The following CCDC91 variants were observed in gnomAD, a reference collection of about 807,000 sequenced individuals.
CCDC91 encodes the protein coiled-coil domain containing 91, also known as coiled-coil domain-containing protein 91.
A neutral mutation model predicts 63.2 loss-of-function variants in CCDC91; 48 were observed. That is an observed-to-expected ratio of 0.76 (90% confidence interval 0.60 to 0.97). CCDC91 has a LOEUF of 0.97. CCDC91 is among the 50% of genes least tolerant of loss of function. The pLI is 0.00. For missense variants in CCDC91, 500 were observed against 494.6 expected, an observed-to-expected ratio of 1.01 and a Z score of -0.10; for synonymous variants, 167 against 165.8, an observed-to-expected ratio of 1.01 and a Z score of -0.06.
In CCDC91 at chr12:28,391,583, C is replaced by T. The variant is rs140637608; in HGVS notation, c.762+172C>T. 3.5e-3 allele frequency among the ~76,000 whole-genome samples: 537 copies of T among 152,150 alleles called. 7 individuals are homozygous for T. The highest frequency in any genetic ancestry group is 0.012 in the African/African-American group (505 of 41,514). Reference sequence around the variant, plus strand: ...ATTTTATGACAGACTCAAAATAGAACGTAAGACCTGAAATATGTGGGTCTC... The same window carrying T: ...ATTTTATGACAGACTCAAAATAGAATGTAAGACCTGAAATATGTGGGTCTC... On this transcript the variant is annotated intron_variant, in intron 8 of 12. Coordinates refer to ENST00000536442, the MANE Select transcript of CCDC91 (RefSeq NM_018318.5).
chr12:28,406,011 G>T (rs1265699545), intron 8 of CCDC91, among the ~76,000 whole-genome samples: 1 of 152,056 alleles, frequency 6.6e-6, no homozygotes, highest in African/African-American at 2.4e-5. Flanking sequence ...CTTACGAATG[G>T]TGAATCCAAT....
At chr12:28,310,785 C>T (rs1939242567) in intron 6 of CCDC91, among the ~76,000 whole-genome samples, 1 of 151,756 alleles carries the variant, frequency 6.6e-6, no homozygotes, top group Non-Finnish European at 1.5e-5. Flanking sequence ...TTTGGTTCTC[C>T]TTCATATCTT....
Position 28,391,331 on chromosome 12 carries a change from C to G in CCDC91, c.682C>G (p.Gln228Glu), listed in dbSNP as rs1260782909. 24 of 1,612,576 alleles carry G rather than the reference C, an allele frequency of 1.5e-5. No homozygotes were observed. Among genetic ancestry groups the G allele is most frequent in the Non-Finnish European group, 2.0e-5 (24 of 1,178,896 alleles). ...ACTACTGCAGTCTTCAGTTAAGCAA[C>G]AAGTAGAAGCTATTGAAAAACAGTA... The part of the protein sequence containing the change: ...KALLQSSVKQ[Q>E]VEAIEKQYIS... The change falls in exon 8 of 13, where the codon CAA becomes GAA. Residue 228 changes from glutamine to glutamate, a missense_variant. Transcript: ENST00000536442.
intron 3 of CCDC91, among the ~76,000 whole-genome samples, chr12:28,288,228 C>G (rs894841807): frequency 5.9e-5 from 9 of 152,030 alleles, no homozygotes; most frequent in Admixed American, 3.3e-4. Context: ...TCCAGGACTT[C>G]CAATAGTATG....
chr12:28,199,503 C>A (rs1036234002), intron 1 of CCDC91, among the ~76,000 whole-genome samples: 1 of 152,134 alleles, frequency 6.6e-6, no homozygotes, highest in African/African-American at 2.4e-5. Context: ...TTTATATTTT[C>A]TTTTATATTT....
Position 28,450,363 on chromosome 12 carries a change from A to C in CCDC91, c.869A>C (p.Lys290Thr), listed in dbSNP as rs748751502. The stretch of plus-strand genomic sequence containing the variant: ...ATCATTTGACAGGAAATATTGGAAA[A>C]GTGTTTGGAGGAAGAAAGGCAAAGA... ...QSQEQKEILE[K>T]CLEEERQRNK... Residue 290 changes from lysine to threonine, a missense_variant, in exon 10 of 13, where the codon AAG becomes ACG. Lys to Thr is a moderately conservative substitution (Grantham distance 78). Transcript: ENST00000536442. 6.2e-7 allele frequency: 1 copy of C among 1,611,964 alleles called. No homozygotes were observed. Among genetic ancestry groups the C allele is most frequent in the South Asian group, 1.1e-5 (1 of 91,016 alleles).
chr12:28,519,294 GTTTGT>G (rs150466852), intron 12 of CCDC91, among the ~76,000 whole-genome samples: 31 of 151,054 alleles, frequency 2.1e-4, no homozygotes, highest in African/African-American at 6.1e-4. Context: ...TAAGTTGTTT[GTTTGT>G]TTTGTTTTGT....
intron 8 of CCDC91, among the ~76,000 whole-genome samples, chr12:28,410,168 C>T (rs981815811): frequency 6.6e-6 from 1 of 152,140 alleles, no homozygotes; most frequent in Admixed American, 6.6e-5. Context: ...GTTCTCCTTG[C>T]TGCTCTGATT....
At chr12:28,304,029 G>T (rs1938370980) in intron 3 of CCDC91, among the ~76,000 whole-genome samples, 1 of 151,878 alleles carries the variant, frequency 6.6e-6, no homozygotes, top group African/African-American at 2.4e-5. Flanking sequence ...TCCGAAGTAG[G>T]GATACCAAGT....
intron 8 of CCDC91, among the ~76,000 whole-genome samples, chr12:28,398,557 T>C (rs758099566): frequency 2.6e-5 from 4 of 152,130 alleles, no homozygotes; most frequent in Non-Finnish European, 4.4e-5. Flanking sequence ...TGTCATATGG[T>C]AAGTATATGT....
chr12:28,547,928 A>G (rs1223352142), intron 12 of CCDC91, among the ~76,000 whole-genome samples: 15 of 152,246 alleles, frequency 9.9e-5, no homozygotes, highest in African/African-American at 2.9e-4. Flanking sequence ...CAACTTTTAC[A>G]TAAGTATGAC....
At chr12:28,214,767 T>C (rs1392385111) in intron 1 of CCDC91, among the ~76,000 whole-genome samples, 1 of 152,194 alleles carries the variant, frequency 6.6e-6, no homozygotes, top group Admixed American at 6.5e-5. Flanking sequence ...GGAAAGGGGC[T>C]AATACATTTC....
chr12:28,499,473 A>G (rs1415289374), intron 12 of CCDC91, among the ~76,000 whole-genome samples: 1 of 151,750 alleles, frequency 6.6e-6, no homozygotes, highest in African/African-American at 2.4e-5. Flanking sequence ...TGTCATCTAT[A>G]TTAGGTATTT....
At chr12:28,236,453 CGAGTA>C (rs1171086470) in intron 1 of CCDC91, 1 of 151,556 alleles carries the variant, frequency 6.6e-6, no homozygotes, top group Non-Finnish European at 1.5e-5. Flanking sequence ...TTATTTTAGT[CGAGTA>C]AAGTATTTTG....
At chr12:28,337,966 A>G (rs1942114422) in intron 6 of CCDC91, among the ~76,000 whole-genome samples, 1 of 152,162 alleles carries the variant, frequency 6.6e-6, no homozygotes, top group South Asian at 2.1e-4. Flanking sequence ...CATCATTAAT[A>G]AATAATGAGC....
intron 3 of CCDC91, among the ~76,000 whole-genome samples, chr12:28,300,819 TGC>T (rs1937992471): frequency 6.6e-6 from 1 of 151,612 alleles, no homozygotes; most frequent in African/African-American, 2.4e-5. Flanking sequence ...TCACATTTCT[TGC>T]TAAATTTATT....
At chr12:28,471,662 CA>C (rs1225413694) in intron 11 of CCDC91, among the ~76,000 whole-genome samples, 1 of 151,578 alleles carries the variant, frequency 6.6e-6, no homozygotes, top group Non-Finnish European at 1.5e-5. Context: ...AAGATATATA[CA>C]ACTAGGAGAG....
chr12:28,404,596 G>A (rs1183345048), intron 8 of CCDC91, among the ~76,000 whole-genome samples: 6 of 152,022 alleles, frequency 3.9e-5, no homozygotes, highest in Non-Finnish European at 8.8e-5. Flanking sequence ...GGCAATTGAA[G>A]TCTCCAACTT....
At chr12:28,510,836 AG>A (rs1939294732) in intron 12 of CCDC91, among the ~76,000 whole-genome samples, 1 of 151,892 alleles carries the variant, frequency 6.6e-6, no homozygotes, top group African/African-American at 2.4e-5. Flanking sequence ...TCCTCTCTTA[AG>A]AATAGTTTTG....
Sources: gnomAD v4.1 joint callset for allele counts (sites outside exome capture counted in the v4.1 genomes callset) on GRCh38, gnomAD v4.1.1 for gene constraint, MANE v1.5 for transcripts, NCBI Gene and HGNC (gene_info 2026-07-23, HGNC 2026-07-21) for gene names.